ABHD6: variants seen among roughly 807,000 people sequenced by gnomAD.
ABHD6 encodes monoacylglycerol lipase ABHD6.
In ABHD6, 33 loss-of-function variants were observed where a neutral mutation model predicts 38.8. The observed-to-expected ratio is 0.85, with a 90% CI of 0.64 to 1.14. ABHD6 has a LOEUF of 1.14. ABHD6 is among the 50% of genes most tolerant of loss of function. The pLI, the probability that ABHD6 is intolerant of heterozygous loss-of-function variation, is 0.00. For synonymous variants in ABHD6, 147 were observed against 161.6 expected (o/e 0.91, Z 0.69); for missense variants, 380 against 422.6 (o/e 0.90, Z 0.88).
intron 9 of ABHD6, among the ~76,000 whole-genome samples, chr3:58,289,456 C>A (rs2097459920): frequency 6.7e-6 from 1 of 149,124 alleles, no homozygotes; most frequent in African/African-American, 2.5e-5. Context: ...ATGCTGCCTT[C>A]AGGCATCTGT....
chr3:58,254,686 G>A (rs2097432035), intron 2 of ABHD6, among the ~76,000 whole-genome samples: 1 of 152,110 alleles, frequency 6.6e-6, no homozygotes, highest in Non-Finnish European at 1.5e-5. Context: ...TGCACACTTA[G>A]CACAGATGGC....
rs375981891 is a variant in ABHD6 at position 58,252,395 on chromosome 3, G to A, written c.-26+2453G>A. ...TGCCCGGCTAATTTTTGTATTTTTT[G>A]TAAAGATGGGGCCTCTCCATGTTGC... On this transcript the variant is annotated intron_variant, in intron 2 of 9. Transcript: ENST00000478253. Among the ~76,000 whole-genome samples, 10 of 151,606 alleles carry A rather than the reference G, an allele frequency of 6.6e-5. No homozygotes were observed. The South Asian group carries it at 1.3e-3, about 19-fold the overall frequency.
At chr3:58,274,489 G>A (rs907673315) in intron 6 of ABHD6, among the ~76,000 whole-genome samples, 169 bp from the exon 7 acceptor site, 2 of 152,172 alleles carry the variant, frequency 1.3e-5, no homozygotes, top group African/African-American at 2.4e-5. Flanking sequence ...GTGTTTCTCA[G>A]TGTGGTTTTG....
At chr3:58,247,292 C>T (rs916520877) in intron 1 of ABHD6, among the ~76,000 whole-genome samples, 21 of 152,130 alleles carry the variant, frequency 1.4e-4, no homozygotes, top group East Asian at 7.7e-4. Context: ...GTGTGAGCCA[C>T]GGTGCCTGGC....
chr3:58,260,392 C>A (rs533082751), intron 3 of ABHD6, among the ~76,000 whole-genome samples: 2 of 152,304 alleles, frequency 1.3e-5, no homozygotes, highest in Admixed American at 1.3e-4. Context: ...GAAAACCTTT[C>A]AGATCATGCC....
At chr3:58,271,664 A>T (rs2097444965) in intron 6 of ABHD6, among the ~76,000 whole-genome samples, 1 of 150,328 alleles carries the variant, frequency 6.7e-6, no homozygotes, top group South Asian at 2.1e-4. Context: ...TTGAAGTTGG[A>T]TTTTTAAATT....
intron 2 of ABHD6, among the ~76,000 whole-genome samples, chr3:58,250,908 A>G (rs550102628): frequency 7.9e-5 from 12 of 152,322 alleles, no homozygotes; most frequent in Admixed American, 2.6e-4. Flanking sequence ...GACTTGGACA[A>G]GTTGACTCCA....
At chr3:58,282,283 GA>G (rs1316133156) in intron 7 of ABHD6, among the ~76,000 whole-genome samples, 2 of 152,144 alleles carry the variant, frequency 1.3e-5, no homozygotes, top group Non-Finnish European at 2.9e-5. Flanking sequence ...TGGAACAGAG[GA>G]ACCCATTTGG....
intron 1 of ABHD6, among the ~76,000 whole-genome samples, chr3:58,240,769 C>T (rs977825527): frequency 7.2e-5 from 10 of 139,096 alleles, no homozygotes; most frequent in Non-Finnish European, 1.4e-4. Flanking sequence ...CTTGCTCTGT[C>T]GCCCAGGCTG....
chr3:58,257,517 C>T lies in ABHD6; in HGVS notation c.119+812C>T, dbSNP rs1297280292. Among the ~76,000 whole-genome samples the T allele has an allele frequency of 6.6e-6, 1 of 152,056 alleles. No homozygotes were observed. Among genetic ancestry groups the T allele is most frequent in the Non-Finnish European group, 1.5e-5 (1 of 68,010 alleles). On this transcript the variant is annotated intron_variant, in intron 3 of 9. Coordinates refer to ENST00000478253, the MANE Select transcript of ABHD6 (RefSeq NM_001320126.2). The surrounding 1 kb of genome is among the most constrained non-coding windows in gnomAD (Gnocchi z 4.8). ...AGCTAGGACTACAGGCACGTGCCAC[C>T]ATGCCTAGCTAATTTTTATATTTTT...
intron 3 of ABHD6, among the ~76,000 whole-genome samples, chr3:58,264,430 CACACACACACACACAT>C (rs1314847112): frequency 1.7e-4 from 17 of 99,626 alleles, no homozygotes; most frequent in South Asian, 5.2e-4. Context: ...CACACACACA[CACACACACACACACAT>C]ATGCCAGGTG....
chr3:58,285,144 G>A lies in ABHD6; in HGVS notation c.736+5G>A, dbSNP rs779082644. On this transcript the variant is annotated splice_donor_5th_base_variant and intron_variant, in intron 8 of 9. Transcript: ENST00000478253. The surrounding 1 kb of genome is among the most constrained non-coding windows in gnomAD (Gnocchi z 4.9). ...ATAACAACTTCTACCGAAAGTGTAA[G>A]TAGCCCTACTTTCAGCTTGGAGCTT... is the stretch of plus-strand genomic sequence containing the variant. 1 of 1,613,932 alleles carries A rather than the reference G, an allele frequency of 6.2e-7. No individual in the cohort carries two copies. Among genetic ancestry groups the A allele is most frequent in the African/African-American group, 1.3e-5 (1 of 75,050 alleles).
At position 58,259,573 on chromosome 3, in the gene ABHD6, T is replaced by C. The variant is rs950604761; in HGVS notation, c.119+2868T>C. Among the ~76,000 whole-genome samples, 1 of 152,030 alleles carries C rather than the reference T, an allele frequency of 6.6e-6. No individual in the cohort carries two copies. The highest frequency in any genetic ancestry group is 2.4e-5 in the African/African-American group (1 of 41,378). The stretch of plus-strand genomic sequence containing the variant: ...GTACGTGCCTGTAATTCCAGCTACC[T>C]GGGAGGCTGAGGCAGAAGAATCGCT... On this transcript the variant is annotated intron_variant, in intron 3 of 9. Transcript: ENST00000478253. The surrounding 1 kb of genome is among the most constrained non-coding windows in gnomAD (Gnocchi z 4.7).
intron 1 of ABHD6, among the ~76,000 whole-genome samples, chr3:58,248,373 A>T (rs2097427823): frequency 6.6e-6 from 1 of 152,222 alleles, no homozygotes. Flanking sequence ...TTTCACACAT[A>T]ATCAGGCATA....
In ABHD6 at chr3:58,273,290, TA is replaced by T. The variant is rs1474773006; in HGVS notation, c.524-1367del. ...CTTTTCTAGATTTTGCTGGGTGAGG[TA>T]GCTCACACCTGTAATCCCAACACTT... is the stretch of plus-strand genomic sequence containing the variant. On this transcript the variant is annotated intron_variant, in intron 6 of 9. Coordinates refer to ENST00000478253, the MANE Select transcript of ABHD6 (RefSeq NM_001320126.2). The surrounding 1 kb of genome is among the most constrained non-coding windows in gnomAD (Gnocchi z 4.8). Among the ~76,000 whole-genome samples, 5 of 152,050 alleles carry T rather than the reference TA, an allele frequency of 3.3e-5. No homozygotes were observed. The highest frequency in any genetic ancestry group is 1.2e-4 in the African/African-American group (5 of 41,370).
intron 6 of ABHD6, among the ~76,000 whole-genome samples, chr3:58,272,005 C>T (rs569862150): frequency 6.6e-6 from 1 of 152,050 alleles, no homozygotes; most frequent in African/African-American, 2.4e-5. Context: ...GGCTAGGATC[C>T]TGTTGGCCTG....
chr3:58,241,639 T>C (rs986524281), intron 1 of ABHD6, among the ~76,000 whole-genome samples: 2 of 152,312 alleles, frequency 1.3e-5, no homozygotes, highest in Admixed American at 6.5e-5. Context: ...TTACATATGA[T>C]GAAGTCTGGG....
chr3:58,264,738 T>C (rs749222367), intron 3 of ABHD6, among the ~76,000 whole-genome samples: 1 of 152,040 alleles, frequency 6.6e-6, no homozygotes, highest in Admixed American at 6.6e-5. Context: ...ATAAAGGGTG[T>C]TCATATTTTT....
At chr3:58,271,178 A>G in intron 6 of ABHD6, 114 bp downstream of exon 6, 1 of 1,203,344 alleles carries the variant, frequency 8.3e-7, no homozygotes, top group Non-Finnish European at 1.1e-6. Flanking sequence ...TGCTTGAGAG[A>G]TATGCAGTGT....
Sources: gnomAD v4.1 joint callset for allele counts (sites outside exome capture counted in the v4.1 genomes callset) on GRCh38, gnomAD v4.1.1 for gene constraint, Gnocchi (gnomAD v3.1) non-coding constraint, MANE v1.5 for transcripts, NCBI Gene and HGNC (gene_info 2026-07-23, HGNC 2026-07-21) for gene names.